SLC6A11: variants seen among roughly 807,000 people sequenced by gnomAD.
SLC6A11 encodes the protein solute carrier family 6 member 11, also known as sodium- and chloride-dependent GABA transporter 3.
SLC6A11 carries 25 observed loss-of-function variants against 74.8 expected under a neutral mutation model. The ratio of observed to expected loss-of-function variants is 0.33; its 90% CI spans 0.24 to 0.47. SLC6A11 has a LOEUF of 0.47. Among genes scored for constraint, SLC6A11 ranks in the 20% least tolerant of loss-of-function variants. SLC6A11 has a pLI of 1.00. For synonymous variants in SLC6A11, 330 were observed against 330.2 expected, an observed-to-expected ratio of 1.00 and a Z score of 0.01; for missense variants, 574 against 837.0, an observed-to-expected ratio of 0.69 and a Z score of 3.88.
Position 10,934,155 on chromosome 3 carries a change from G to C in SLC6A11, c.1564G>C (p.Gly522Arg). Residue 522 changes from glycine to arginine, a missense_variant, in exon 12 of 14, where the codon GGG becomes CGG. By Grantham distance (125) the Gly-to-Arg change is moderately radical (BLOSUM62 -2). Around this residue, in one of 4 missense-constraint regions of SLC6A11, gnomAD observed 257 missense variants for 341.5 expected, o/e 0.75. Transcript: ENST00000254488. The stretch of plus-strand genomic sequence containing the variant: ...GTGGTGCTGGATGATCATGACCCCT[G>C]GGATCTGCGCGGTAAGGGCCCCACC... ...IKWCWMIMTP[G>R]ICAGIFIFFL... 6.2e-7 allele frequency: 1 copy of C among 1,612,154 alleles called. No homozygotes were observed. Among genetic ancestry groups the C allele is most frequent in the Non-Finnish European group, 8.5e-7 (1 of 1,178,290 alleles).
chr3:10,844,926 C>T (rs900058871), intron 5 of SLC6A11, among the ~76,000 whole-genome samples: 2 of 152,188 alleles, frequency 1.3e-5, no homozygotes, highest in Non-Finnish European at 2.9e-5. Context: ...TTACACATGG[C>T]TCTTCCACTC....
At position 10,823,406 on chromosome 3, in the gene SLC6A11, A is replaced by C; in HGVS notation, c.623+14A>C. The C allele has an allele frequency of 6.4e-7, 1 of 1,569,264 alleles. No individual in the cohort carries two copies. Among genetic ancestry groups the C allele is most frequent in the Non-Finnish European group, 8.8e-7 (1 of 1,139,516 alleles). Reference sequence around the variant, plus strand: ...GGAGTTTTGGGAGTAAGTGGAGAAGAACTTGTCTCCCTTGGCCTGTGGGGG... The same window carrying C: ...GGAGTTTTGGGAGTAAGTGGAGAAGCACTTGTCTCCCTTGGCCTGTGGGGG... On this transcript the variant is annotated intron_variant, in intron 4 of 13. Transcript: ENST00000254488.
rs577106035 is a variant in SLC6A11 at position 10,848,083 on chromosome 3, C to A, written c.756+3737C>A. ...CAAATTTCCATTTATAATAAATGTT[C>A]GTTAATTCAAGAAAAAGTCCCCAGA... On this transcript the variant is annotated intron_variant, in intron 5 of 13. Transcript: ENST00000254488. Among the ~76,000 whole-genome samples the A allele has an allele frequency of 2.0e-5, 3 of 152,138 alleles. No homozygotes were observed. The South Asian group carries it at 6.2e-4, about 32-fold the overall frequency.
intron 5 of SLC6A11, among the ~76,000 whole-genome samples, chr3:10,873,511 T>TATGCC (rs1318850566): frequency 2.4e-5 from 3 of 123,046 alleles, no homozygotes; most frequent in Non-Finnish European, 4.9e-5. Flanking sequence ...TATCCTATCC[T>TATGCC]ATGCCATGCC....
intron 8 of SLC6A11, among the ~76,000 whole-genome samples, chr3:10,925,526 A>G (rs1055003913): frequency 6.6e-6 from 1 of 151,946 alleles, no homozygotes; most frequent in Non-Finnish European, 1.5e-5. Flanking sequence ...AGACCTGGAA[A>G]TGAGAGTGGA....
chr3:10,932,287 A>G (rs1244270548), intron 10 of SLC6A11, among the ~76,000 whole-genome samples: 1 of 152,018 alleles, frequency 6.6e-6, no homozygotes, highest in Non-Finnish European at 1.5e-5. Flanking sequence ...TCATTTCTTC[A>G]TCCCATGAAG....
chr3:10,820,794 A>T (rs1359256853), intron 3 of SLC6A11, among the ~76,000 whole-genome samples: 1 of 152,118 alleles, frequency 6.6e-6, no homozygotes, highest in Non-Finnish European at 1.5e-5. Flanking sequence ...CCCTTCTCCA[A>T]TAGTGCTCCA....
intron 4 of SLC6A11, among the ~76,000 whole-genome samples, chr3:10,825,776 G>A (rs1694200961): frequency 6.6e-6 from 1 of 152,104 alleles, no homozygotes; most frequent in Non-Finnish European, 1.5e-5. Flanking sequence ...TTTCCCAGTA[G>A]GACTTACTGA....
rs1449980125 is a variant in SLC6A11 at position 10,819,482 on chromosome 3, T to TA, written c.275dup (p.Tyr92Ter). ...CCTTACAGGGGCATTCCTGATTCCC[T>TA]ACGTGGTGTTTTTTATTTGCTGTGG... ...KNGGGAFLIP[Y>*]VVFFICCGIP... Residue 92 changes from tyrosine (Y) to a stop codon, truncating the protein, a stop_gained and frameshift_variant, in exon 2 of 14, where the codon TAC becomes TAAC. Transcript: ENST00000254488. LOFTEE classifies it high-confidence loss of function. 1 of 1,613,792 alleles carries TA rather than the reference T, an allele frequency of 6.2e-7. No individual in the cohort carries two copies. The highest frequency in any genetic ancestry group is 8.5e-7 in the Non-Finnish European group (1 of 1,179,924).
chr3:10,841,720 G>T lies in SLC6A11; in HGVS notation c.624-2494G>T, dbSNP rs3774122. Among the ~76,000 whole-genome samples the T allele has an allele frequency of 7.2e-5, 11 of 152,356 alleles. No homozygotes were observed. In the East Asian group the frequency reaches 1.9e-3, roughly 27 times the overall value. ...AGTTTGTACCTGGCGGGCCTGTCCC[G>T]CTTTCTCCCTCTGTCCCTAAGTGGG... is the stretch of plus-strand genomic sequence containing the variant. On this transcript the variant is annotated intron_variant, in intron 4 of 13. Coordinates refer to ENST00000254488, the MANE Select transcript of SLC6A11 (RefSeq NM_014229.3).
chr3:10,852,319 G>T (rs773081327), intron 5 of SLC6A11, among the ~76,000 whole-genome samples: 12 of 152,230 alleles, frequency 7.9e-5, no homozygotes, highest in Non-Finnish European at 1.5e-4. Flanking sequence ...CACCGAAGCC[G>T]CCATGCCGTT....
At chr3:10,934,616 C>T (rs962106225) in intron 12 of SLC6A11, among the ~76,000 whole-genome samples, 1 of 152,244 alleles carries the variant, frequency 6.6e-6, no homozygotes, top group African/African-American at 2.4e-5. Context: ...CCTATCACTC[C>T]TTATCCGTTT....
chr3:10,932,992 A>G (rs180790813), intron 10 of SLC6A11, among the ~76,000 whole-genome samples, 159 bp from the exon 11 acceptor site: 1 of 152,086 alleles, frequency 6.6e-6, no homozygotes, highest in East Asian at 1.9e-4. Flanking sequence ...CCCAGATGGG[A>G]GGGTGCAATT....
At chr3:10,923,933 A>G (rs540490408) in intron 8 of SLC6A11, among the ~76,000 whole-genome samples, 5 of 152,278 alleles carry the variant, frequency 3.3e-5, no homozygotes, top group East Asian at 3.9e-4. Flanking sequence ...AAGATGCACA[A>G]CCTCACCATA....
intron 13 of SLC6A11, among the ~76,000 whole-genome samples, chr3:10,936,291 C>T (rs1330708505): frequency 6.6e-6 from 1 of 152,242 alleles, no homozygotes; most frequent in East Asian, 1.9e-4. Flanking sequence ...GGGCACACAG[C>T]TTCTGAAGGA....
At chr3:10,902,389 G>A (rs564943395) in intron 6 of SLC6A11, among the ~76,000 whole-genome samples, 5 of 152,340 alleles carry the variant, frequency 3.3e-5, no homozygotes, top group East Asian at 3.9e-4. Flanking sequence ...TCAGCATTTG[G>A]TGCTTCTCAG....
At chr3:10,823,237 T>C in intron 3 of SLC6A11, 65 bp from the exon 4 acceptor site, 7 of 1,241,780 alleles carry the variant, frequency 5.6e-6, no homozygotes, top group East Asian at 2.3e-5. Flanking sequence ...GCTCTGAATG[T>C]TTTTCAGGAT....
intron 6 of SLC6A11, among the ~76,000 whole-genome samples, chr3:10,878,498 AG>A (rs1694937992): frequency 6.9e-6 from 1 of 144,692 alleles, no homozygotes; most frequent in African/African-American, 2.6e-5. Context: ...TCCGCTTCCC[AG>A]GTTCAAGCAA....
chr3:10,896,189 G>T (rs528732932), intron 6 of SLC6A11, among the ~76,000 whole-genome samples: 3 of 152,252 alleles, frequency 2.0e-5, no homozygotes, highest in Non-Finnish European at 2.9e-5. Flanking sequence ...ACACCAGGGT[G>T]GGGAGGAGAC....
Sources: gnomAD v4.1 joint callset for allele counts (sites outside exome capture counted in the v4.1 genomes callset) on GRCh38, gnomAD v4.1.1 for gene constraint, gnomAD v4.1.1 regional missense constraint, MANE v1.5 for transcripts, NCBI Gene and HGNC (gene_info 2026-07-23, HGNC 2026-07-21) for gene names.